FAM120B: variants seen among roughly 807,000 people sequenced by gnomAD.
FAM120B encodes constitutive coactivator of peroxisome proliferator-activated receptor gamma.
FAM120B carries 83 observed loss-of-function variants against 96.3 expected under a neutral mutation model. The ratio of observed to expected loss-of-function variants is 0.86; its 90% CI spans 0.72 to 1.03. The LOEUF is 1.03. Among genes scored for constraint, FAM120B ranks in the 50% least tolerant of loss-of-function variants. The probability of loss-of-function intolerance (pLI) is 0.00; values close to 1 mark genes in which losing one functional copy is unlikely to be tolerated. For missense variants in FAM120B, 1,027 were observed against 1,121.2 expected, an observed-to-expected ratio of 0.92 and a Z score of 1.20; for synonymous variants, 407 against 402.7, an observed-to-expected ratio of 1.01 and a Z score of -0.13.
intron 6 of FAM120B, among the ~76,000 whole-genome samples, chr6:170,379,030 G>A (rs1789748672): frequency 2.0e-5 from 3 of 152,176 alleles, no homozygotes; most frequent in East Asian, 1.9e-4. Flanking sequence ...TTTCTCTGGC[G>A]TTTATGCTGA....
chr6:170,402,748 G>A (rs75599872), intron 9 of FAM120B, among the ~76,000 whole-genome samples: 1,671 of 152,308 alleles, frequency 0.011, 23 homozygotes, highest in African/African-American at 0.034. Flanking sequence ...TTTGGAACTC[G>A]AAGGAATGTT....
chr6:170,399,546 C>T (rs71576514), intron 9 of FAM120B, among the ~76,000 whole-genome samples: 9 of 125,950 alleles, frequency 7.1e-5, no homozygotes, highest in East Asian at 2.7e-4. Context: ...ATGTCATAAC[C>T]CTTAGGAGTG....
At chr6:170,315,899 C>CAACATAGT (rs1156782730) in intron 1 of FAM120B, among the ~76,000 whole-genome samples, 1 of 147,768 alleles carries the variant, frequency 6.8e-6, no homozygotes, top group Non-Finnish European at 1.5e-5. Flanking sequence ...CTGGACAACA[C>CAACATAGT]AACATAGTGA....
intron 2 of FAM120B, among the ~76,000 whole-genome samples, chr6:170,321,575 C>T (rs981149219): frequency 3.9e-5 from 6 of 152,154 alleles, no homozygotes; most frequent in Admixed American, 2.0e-4. Context: ...GATGGGGTTT[C>T]GCCATGTTGC....
intron 2 of FAM120B, among the ~76,000 whole-genome samples, chr6:170,319,748 A>G (rs1325727141): frequency 1.3e-5 from 2 of 152,252 alleles, no homozygotes; most frequent in Non-Finnish European, 2.9e-5. Flanking sequence ...TATGCATTGA[A>G]TAAGCAAAGA....
chr6:170,334,817 C>A (rs182477750), intron 4 of FAM120B, among the ~76,000 whole-genome samples: 213 of 152,262 alleles, frequency 1.4e-3, no homozygotes, highest in African/African-American at 4.9e-3. Context: ...GCCACTTTCA[C>A]TGTTGAATGC....
At chr6:170,313,682 G>A (rs1437516802) in intron 1 of FAM120B, among the ~76,000 whole-genome samples, 2 of 152,202 alleles carry the variant, frequency 1.3e-5, no homozygotes, top group Non-Finnish European at 2.9e-5. Context: ...ATTCCAATGT[G>A]CCTTTGCTAA....
intron 4 of FAM120B, among the ~76,000 whole-genome samples, chr6:170,342,520 A>C (rs959511033): frequency 2.0e-5 from 3 of 152,210 alleles, no homozygotes; most frequent in Non-Finnish European, 4.4e-5. Flanking sequence ...TAGCTGTGGA[A>C]ACAGCAATGG....
chr6:170,374,431 C>T (rs984652636), intron 6 of FAM120B, among the ~76,000 whole-genome samples: 13 of 152,182 alleles, frequency 8.5e-5, no homozygotes, highest in Admixed American at 2.0e-4. Context: ...CCATTTCAGC[C>T]ATTTACTCTG....
At chr6:170,400,485 G>T (rs1002132792) in intron 9 of FAM120B, among the ~76,000 whole-genome samples, 1 of 152,104 alleles carries the variant, frequency 6.6e-6, no homozygotes, top group Non-Finnish European at 1.5e-5. Context: ...GCTTCAGACA[G>T]GCTGACTTTG....
At chr6:170,307,562 G>T (rs542798101) in intron 1 of FAM120B, among the ~76,000 whole-genome samples, 1 of 152,350 alleles carries the variant, frequency 6.6e-6, no homozygotes, top group Non-Finnish European at 1.5e-5. Flanking sequence ...CTGGCAGTAA[G>T]AACATAAATG....
intron 4 of FAM120B, among the ~76,000 whole-genome samples, chr6:170,340,329 T>A (rs963951535): frequency 6.6e-6 from 1 of 152,252 alleles, no homozygotes; most frequent in Non-Finnish European, 1.5e-5. Flanking sequence ...TGCTGTGTTT[T>A]TCAGCTCCAT....
At chr6:170,367,850 T>C (rs1048895951) in intron 6 of FAM120B, among the ~76,000 whole-genome samples, 13 of 152,196 alleles carry the variant, frequency 8.5e-5, no homozygotes, top group Non-Finnish European at 1.8e-4. Flanking sequence ...ATTCCCTGAC[T>C]CTTGGTTCCA....
At chr6:170,366,872 T>C (rs1416410097) in intron 6 of FAM120B, among the ~76,000 whole-genome samples, 1 of 152,180 alleles carries the variant, frequency 6.6e-6, no homozygotes, top group Non-Finnish European at 1.5e-5. Flanking sequence ...CTGCCCAGCC[T>C]CGGATAAGCT....
chr6:170,296,356 C>T (rs1784008636), intron 1 of FAM120B, among the ~76,000 whole-genome samples: 1 of 152,016 alleles, frequency 6.6e-6, no homozygotes, highest in Admixed American at 6.6e-5. Flanking sequence ...CGGCGCCAGG[C>T]AGCATTACGA....
At chr6:170,376,019 A>C (rs1337848681) in intron 6 of FAM120B, among the ~76,000 whole-genome samples, 2 of 152,190 alleles carry the variant, frequency 1.3e-5, no homozygotes, top group African/African-American at 2.4e-5. Flanking sequence ...CCTTGCCCAG[A>C]TACACGGGGA....
At chr6:170,337,202 T>C (rs1191686312) in intron 4 of FAM120B, among the ~76,000 whole-genome samples, 1 of 152,192 alleles carries the variant, frequency 6.6e-6, no homozygotes, top group Non-Finnish European at 1.5e-5. Flanking sequence ...TTTTGAGATA[T>C]CTTCCGTCAA....
At chr6:170,344,791 C>A (rs546849603) in intron 4 of FAM120B, among the ~76,000 whole-genome samples, 2 of 152,344 alleles carry the variant, frequency 1.3e-5, no homozygotes, top group South Asian at 4.1e-4. Context: ...AGTCCTCCTG[C>A]ATAGCAGACT....
At chr6:170,389,612 G>A (rs1018382141) in intron 7 of FAM120B, among the ~76,000 whole-genome samples, 1 of 151,616 alleles carries the variant, frequency 6.6e-6, no homozygotes, top group African/African-American at 2.4e-5. Flanking sequence ...AGCCTGGAAT[G>A]CAGTGGTGCA....
Sources: gnomAD v4.1 joint callset for allele counts (sites outside exome capture counted in the v4.1 genomes callset) on GRCh38, gnomAD v4.1.1 for gene constraint, MANE v1.5 for transcripts, NCBI Gene and HGNC (gene_info 2026-07-23, HGNC 2026-07-21) for gene names.